MACROD2: variants seen among roughly 807,000 people sequenced by gnomAD.
MACROD2 encodes the protein mono-ADP ribosylhydrolase 2.
A neutral mutation model predicts 70.4 loss-of-function variants in MACROD2; 36 were observed. The observed-to-expected ratio is 0.51, with a 90% CI of 0.39 to 0.68. The LOEUF (loss-of-function observed/expected upper bound fraction) is 0.68. Ranked by LOEUF, MACROD2 falls within the 30% of genes least tolerant of loss-of-function variation. The pLI is 0.00. For synonymous variants in MACROD2, 172 were observed against 178.8 expected (o/e 0.96, Z 0.30); for missense variants, 496 against 538.4 (o/e 0.92, Z 0.78).
chr20:14,731,905 A>T (rs140756832), intron 5 of MACROD2, among the ~76,000 whole-genome samples: 1 of 152,114 alleles, frequency 6.6e-6, no homozygotes, highest in South Asian at 2.1e-4. Context: ...TTCTCACTAA[A>T]TTTTTTGGTT....
At chr20:14,592,037 C>A (rs942742685) in intron 4 of MACROD2, among the ~76,000 whole-genome samples, 1 of 152,052 alleles carries the variant, frequency 6.6e-6, no homozygotes. Flanking sequence ...GAGAGGACTG[C>A]AGTGGAAGGA....
intron 5 of MACROD2, among the ~76,000 whole-genome samples, chr20:14,754,242 G>A (rs948431463): frequency 6.6e-6 from 1 of 151,942 alleles, no homozygotes; most frequent in East Asian, 1.9e-4. Context: ...ACCTTCACCG[G>A]GATGGTTGTT....
intron 6 of MACROD2, among the ~76,000 whole-genome samples, chr20:15,300,613 A>T (rs2077632574): frequency 6.6e-6 from 1 of 152,202 alleles, no homozygotes; most frequent in Admixed American, 6.5e-5. Flanking sequence ...AACTATTAAT[A>T]TAATCCTGAT....
chr20:15,237,631 G>A (rs1029509918), intron 6 of MACROD2, among the ~76,000 whole-genome samples: 35 of 152,130 alleles, frequency 2.3e-4, no homozygotes, highest in Admixed American at 2.2e-3. Flanking sequence ...GCGCAGAGGA[G>A]TGGGGATGTG....
At chr20:15,807,403 G>A (rs1313595095) in intron 8 of MACROD2, among the ~76,000 whole-genome samples, 1 of 152,168 alleles carries the variant, frequency 6.6e-6, no homozygotes, top group East Asian at 1.9e-4. Flanking sequence ...TTCATTGTGG[G>A]TCGTATTTTG....
At chr20:15,899,471 T>C (rs6043604) in intron 10 of MACROD2, among the ~76,000 whole-genome samples, 6,183 of 152,296 alleles carry the variant, frequency 0.041, 299 homozygotes, top group East Asian at 0.13. Flanking sequence ...TTTCTAAATT[T>C]ATGTGTAATT....
intron 12 of MACROD2, among the ~76,000 whole-genome samples, chr20:15,965,429 T>C (rs935621301): frequency 6.6e-6 from 1 of 152,134 alleles, no homozygotes; most frequent in African/African-American, 2.4e-5. Context: ...ACGTTTCTTA[T>C]GTAATATTTG....
intron 4 of MACROD2, among the ~76,000 whole-genome samples, chr20:14,632,549 T>G (rs560330438): frequency 5.5e-4 from 84 of 152,290 alleles, no homozygotes; most frequent in African/African-American, 1.9e-3. Context: ...ATTTGTGGTT[T>G]TCATTTTTGC....
In MACROD2 at chr20:15,603,205, T is replaced by C. The variant is rs1263967104; in HGVS notation, c.645+103358T>C. ...TCATATTCAGAATATCAAATCAAGA[T>C]CTAAAGGAAATAGGCTGGAGTGGTG... On this transcript the variant is annotated intron_variant, in intron 8 of 17. Transcript: ENST00000684519. Among the ~76,000 whole-genome samples the C allele has an allele frequency of 2.0e-5, 3 of 152,080 alleles. 1 individual carries two copies. Among genetic ancestry groups the C allele is most frequent in the African/African-American group, 7.2e-5 (3 of 41,402 alleles).
At chr20:15,044,401 A>G (rs2075377703) in intron 5 of MACROD2, among the ~76,000 whole-genome samples, 1 of 152,106 alleles carries the variant, frequency 6.6e-6, no homozygotes, top group Non-Finnish European at 1.5e-5. Context: ...CACAATCAAG[A>G]TTATTCCTGT....
chr20:15,998,800 G>A (rs966396823), intron 15 of MACROD2, among the ~76,000 whole-genome samples: 1 of 151,882 alleles, frequency 6.6e-6, no homozygotes, highest in Non-Finnish European at 1.5e-5. Flanking sequence ...TCCTGATCTC[G>A]TGATCTGCCC....
chr20:15,583,324 G>A (rs2048552378), intron 8 of MACROD2, among the ~76,000 whole-genome samples: 1 of 152,324 alleles, frequency 6.6e-6, no homozygotes, highest in African/African-American at 2.4e-5. Flanking sequence ...AGAAAGTATA[G>A]GGAACACATT....
chr20:14,469,566 C>T (rs927889253), intron 3 of MACROD2, among the ~76,000 whole-genome samples: 1 of 152,044 alleles, frequency 6.6e-6, no homozygotes, highest in African/African-American at 2.4e-5. Context: ...GTACACCAAT[C>T]AGTTGTAGGT....
At chr20:14,751,134 C>T (rs546070667) in intron 5 of MACROD2, among the ~76,000 whole-genome samples, 1 of 152,128 alleles carries the variant, frequency 6.6e-6, no homozygotes, top group Non-Finnish European at 1.5e-5. Flanking sequence ...TGAATAACAC[C>T]TGAGACTGTC....
intron 5 of MACROD2, among the ~76,000 whole-genome samples, chr20:14,963,522 G>A (rs1049694743): frequency 6.6e-6 from 1 of 152,150 alleles, no homozygotes; most frequent in African/African-American, 2.4e-5. Flanking sequence ...GTATTGACAT[G>A]AAAAATGCCA....
intron 7 of MACROD2, among the ~76,000 whole-genome samples, chr20:15,449,927 A>G (rs1351720332): frequency 1.3e-5 from 2 of 152,216 alleles, no homozygotes; most frequent in African/African-American, 4.8e-5. Flanking sequence ...TGGGAGGCAG[A>G]GGTTTCAGTG....
intron 6 of MACROD2, among the ~76,000 whole-genome samples, chr20:15,279,935 G>C (rs1176359197): frequency 6.6e-6 from 1 of 152,124 alleles, no homozygotes; most frequent in Non-Finnish European, 1.5e-5. Context: ...CACAAACCTT[G>C]AGGTCAAGGA....
chr20:15,925,430 G>C (rs571322186), intron 10 of MACROD2, among the ~76,000 whole-genome samples: 3 of 152,128 alleles, frequency 2.0e-5, no homozygotes, highest in African/African-American at 4.8e-5. Flanking sequence ...AAAAACTAAC[G>C]GTATCAAAGT....
chr20:14,117,775 CT>C (rs746244885), intron 3 of MACROD2, among the ~76,000 whole-genome samples: 2 of 152,024 alleles, frequency 1.3e-5, no homozygotes, highest in Non-Finnish European at 2.9e-5. Flanking sequence ...CATTTGGTAT[CT>C]TGAAATATAG....
Sources: allele counts gnomAD v4.1 joint callset (sites outside exome capture counted in the v4.1 genomes callset), GRCh38; gene constraint gnomAD v4.1.1; transcripts MANE v1.5; gene names NCBI Gene and HGNC (gene_info 2026-07-23, HGNC 2026-07-21).